The following PAX5 variants were observed in gnomAD, a reference collection of about 807,000 sequenced individuals.
The protein encoded by PAX5 is paired box 5.
PAX5 carries 9 observed loss-of-function variants against 43.7 expected under a neutral mutation model. The ratio of observed to expected loss-of-function variants is 0.21; its 90% CI spans 0.12 to 0.36. The LOEUF is 0.36. PAX5 is among the 10% of genes least tolerant of loss of function. The pLI is 1.00. For missense variants in PAX5, 383 were observed against 532.7 expected (o/e 0.72, Z 2.77); for synonymous variants, 228 against 214.3 (o/e 1.06, Z -0.56).
At chr9:36,918,858 C>T (rs183452919) in intron 7 of PAX5, among the ~76,000 whole-genome samples, 2 of 152,272 alleles carry the variant, frequency 1.3e-5, no homozygotes, top group Non-Finnish European at 2.9e-5. Flanking sequence ...CACAAAGGTG[C>T]AAGGTGAAGC....
intron 6 of PAX5, chr9:36,930,854 G>A: frequency 7.6e-7 from 1 of 1,307,590 alleles, no homozygotes; most frequent in Non-Finnish European, 1.0e-6. Flanking sequence ...AGGAGAGTGT[G>A]CACTGGGCAT....
At chr9:36,969,143 C>A (rs1340749358) in intron 5 of PAX5, among the ~76,000 whole-genome samples, 1 of 152,062 alleles carries the variant, frequency 6.6e-6, no homozygotes, top group Non-Finnish European at 1.5e-5. Context: ...CCAGCCCTGA[C>A]CCTGCCAGCC....
At chr9:36,971,930 T>C (rs1413741987) in intron 5 of PAX5, among the ~76,000 whole-genome samples, 1 of 152,236 alleles carries the variant, frequency 6.6e-6, no homozygotes, top group Non-Finnish European at 1.5e-5. Context: ...TAAAAGATCA[T>C]AAACCCATTG....
At chr9:36,885,340 C>T (rs1826819722) in intron 7 of PAX5, among the ~76,000 whole-genome samples, 1 of 152,138 alleles carries the variant, frequency 6.6e-6, no homozygotes, top group South Asian at 2.1e-4. Context: ...TCTGCCCAGG[C>T]TCACACCCTT....
chr9:37,014,473 C>T (rs1416015825), intron 3 of PAX5, among the ~76,000 whole-genome samples: 1 of 152,152 alleles, frequency 6.6e-6, no homozygotes, highest in African/African-American at 2.4e-5. Context: ...TGTCAAGGTC[C>T]CACTTTGAGC....
At chr9:36,847,204 G>A (rs1563884978) in intron 8 of PAX5, among the ~76,000 whole-genome samples, 1 of 152,194 alleles carries the variant, frequency 6.6e-6, no homozygotes, top group Non-Finnish European at 1.5e-5. Flanking sequence ...GTGGCCCCAT[G>A]TGCCAGATGT....
chr9:37,000,573 C>T (rs1409329561), intron 5 of PAX5, among the ~76,000 whole-genome samples: 1 of 152,158 alleles, frequency 6.6e-6, no homozygotes, highest in Admixed American at 6.5e-5. Flanking sequence ...GGCAACATAT[C>T]AAAACACCGT....
intron 8 of PAX5, among the ~76,000 whole-genome samples, chr9:36,854,292 C>T (rs986999320): frequency 1.3e-5 from 2 of 152,212 alleles, no homozygotes; most frequent in Non-Finnish European, 2.9e-5. Flanking sequence ...CACACGTAGC[C>T]ACAGCCAGGC....
intron 7 of PAX5, among the ~76,000 whole-genome samples, chr9:36,922,430 C>G (rs888280384): frequency 2.6e-5 from 4 of 152,182 alleles, no homozygotes; most frequent in Non-Finnish European, 5.9e-5. Flanking sequence ...CCTGCCTGCC[C>G]GGTTGGACAA....
At chr9:36,931,723 A>T (rs1831139597) in intron 6 of PAX5, among the ~76,000 whole-genome samples, 1 of 151,752 alleles carries the variant, frequency 6.6e-6, no homozygotes. Context: ...GTGGCATGTG[A>T]CTGCAGTCCC....
At chr9:37,030,869 C>A (rs1840915801) in intron 1 of PAX5, among the ~76,000 whole-genome samples, 1 of 152,234 alleles carries the variant, frequency 6.6e-6, no homozygotes, top group Admixed American at 6.5e-5. Context: ...CCTGTTCTTG[C>A]TTCTGACAAA....
intron 6 of PAX5, among the ~76,000 whole-genome samples, chr9:36,924,706 C>G (rs1830442461): frequency 9.0e-6 from 1 of 111,612 alleles, no homozygotes; most frequent in South Asian, 3.2e-4. Context: ...GGTGACAGAG[C>G]AAGACTCTGT....
At chr9:36,973,067 A>ACGG (rs1835061478) in intron 5 of PAX5, among the ~76,000 whole-genome samples, 4 of 74,378 alleles carry the variant, frequency 5.4e-5, no homozygotes, top group African/African-American at 2.2e-4. Context: ...AAGGAAAGGA[A>ACGG]AGGAACGGAA....
intron 9 of PAX5, among the ~76,000 whole-genome samples, chr9:36,845,673 G>C (rs1430394356): frequency 6.6e-6 from 1 of 152,194 alleles, no homozygotes; most frequent in Non-Finnish European, 1.5e-5. Flanking sequence ...TGGAATGGTA[G>C]TAGCAAGAGA....
intron 7 of PAX5, among the ~76,000 whole-genome samples, chr9:36,893,788 C>T (rs902665222): frequency 2.6e-5 from 4 of 152,200 alleles, no homozygotes; most frequent in African/African-American, 7.2e-5. Flanking sequence ...ACGTGCAGAG[C>T]CTTCGCTACT....
At chr9:36,898,643 C>T (rs1225808486) in intron 7 of PAX5, among the ~76,000 whole-genome samples, 2 of 152,224 alleles carry the variant, frequency 1.3e-5, no homozygotes, top group Admixed American at 6.5e-5. Flanking sequence ...ATTTTGTCCT[C>T]GGATGCACAT....
intron 3 of PAX5, among the ~76,000 whole-genome samples, chr9:37,012,369 C>T (rs73646308): frequency 6.4e-4 from 97 of 152,326 alleles, no homozygotes; most frequent in African/African-American, 2.3e-3. Context: ...TTCCTCTGCA[C>T]TCTCCATCTT....
At chr9:36,847,079 C>A in intron 8 of PAX5, 150 bp from the exon 9 acceptor site, 1 of 613,864 alleles carries the variant, frequency 1.6e-6, no homozygotes, top group Non-Finnish European at 3.0e-6. Flanking sequence ...CAAGTCAGGT[C>A]CACATCATTA....
intron 5 of PAX5, among the ~76,000 whole-genome samples, chr9:36,995,995 A>T (rs1248744810): frequency 6.6e-6 from 1 of 152,202 alleles, no homozygotes; most frequent in Non-Finnish European, 1.5e-5. Context: ...GTGGCCCTTC[A>T]TTCTGCAGCC....
Sources: allele counts gnomAD v4.1 joint callset (sites outside exome capture counted in the v4.1 genomes callset), GRCh38; gene constraint gnomAD v4.1.1; transcripts MANE v1.5; gene names NCBI Gene and HGNC (gene_info 2026-07-23, HGNC 2026-07-21).